Variants in GDPD1 observed in about 807,000 individuals in gnomAD.
GDPD1 encodes glycerophosphodiester phosphodiesterase domain containing 1, also known as lysophospholipase D GDPD1.
GDPD1 carries 28 observed loss-of-function variants against 45.1 expected under a neutral mutation model. The observed-to-expected ratio is 0.62, with a 90% CI of 0.46 to 0.85. The LOEUF (loss-of-function observed/expected upper bound fraction) is 0.85. GDPD1 is among the 40% of genes least tolerant of loss of function. The probability of loss-of-function intolerance (pLI) is 0.00; values close to 1 mark genes in which losing one functional copy is unlikely to be tolerated. For missense variants in GDPD1, 256 were observed against 364.8 expected, an observed-to-expected ratio of 0.70 and a Z score of 2.43; for synonymous variants, 139 against 131.4, an observed-to-expected ratio of 1.06 and a Z score of -0.40.
At chr17:59,221,624 A>G (rs113757882) in intron 1 of GDPD1, among the ~76,000 whole-genome samples, 1 of 152,192 alleles carries the variant, frequency 6.6e-6, no homozygotes, top group African/African-American at 2.4e-5. Context: ...CTAATTTCCC[A>G]GATAACAGGC....
At chr17:59,248,901 A>G (rs1259619916) in intron 4 of GDPD1, 116 bp downstream of exon 4, 12 of 670,546 alleles carry the variant, frequency 1.8e-5, no homozygotes, top group Non-Finnish European at 2.9e-5. Flanking sequence ...CCTCAGGCCT[A>G]CAAATCTGAA....
chr17:59,243,774 TAA>T (rs1394263710), intron 2 of GDPD1, among the ~76,000 whole-genome samples: 8 of 152,352 alleles, frequency 5.3e-5, no homozygotes, highest in Admixed American at 4.6e-4. Context: ...TCATGATTGA[TAA>T]ACACTTAGGT....
intron 6 of GDPD1, 107 bp downstream of exon 6, chr17:59,257,947 G>A: frequency 4.7e-6 from 3 of 643,872 alleles, no homozygotes; most frequent in Non-Finnish European, 7.2e-6. Flanking sequence ...TATTTTTAGA[G>A]ATAGGGTCTC....
intron 4 of GDPD1, among the ~76,000 whole-genome samples, chr17:59,251,316 C>T (rs533238272): frequency 1.8e-4 from 27 of 151,856 alleles, no homozygotes; most frequent in Middle Eastern, 3.4e-3. Context: ...GTTAGGAGTT[C>T]GAGACCAGCC....
chr17:59,267,108 G>T lies in GDPD1; in HGVS notation c.644G>T (p.Gly215Val). Residue 215 changes from glycine to valine, a missense_variant, in exon 7 of 10, where the codon GGC becomes GTC. Physicochemically the swap from Gly to Val is moderately radical, Grantham distance 109. Coordinates refer to ENST00000284116, the MANE Select transcript of GDPD1 (RefSeq NM_182569.4). ...VLLILGLFFT[G>V]LLPFVPIREQ... ...CTCATTCTTGGCCTTTTCTTCACTG[G>T]CCTCTTGCCCTTTGTGCCCATTCGA... is the stretch of plus-strand genomic sequence containing the variant. 1 of 1,613,604 alleles carries T rather than the reference G, an allele frequency of 6.2e-7. No individual in the cohort carries two copies. Among genetic ancestry groups the T allele is most frequent in the Non-Finnish European group, 8.5e-7 (1 of 1,179,644 alleles).
At chr17:59,267,863 C>T (rs2047410760) in intron 7 of GDPD1, among the ~76,000 whole-genome samples, 1 of 151,918 alleles carries the variant, frequency 6.6e-6, no homozygotes, top group East Asian at 2.0e-4. Context: ...AGAGATGGGG[C>T]TTCACCATGT....
intron 8 of GDPD1, among the ~76,000 whole-genome samples, chr17:59,271,290 A>C (rs1174710822): frequency 5.3e-5 from 8 of 152,218 alleles, no homozygotes; most frequent in African/African-American, 1.7e-4. Flanking sequence ...GAACTAGGTT[A>C]AATAACCATT....
intron 1 of GDPD1, among the ~76,000 whole-genome samples, chr17:59,226,763 C>G (rs1338376906): frequency 6.6e-6 from 1 of 151,952 alleles, no homozygotes; most frequent in Non-Finnish European, 1.5e-5. Context: ...GCAACTTCCG[C>G]CCCCTGGGTT....
chr17:59,241,947 G>A (rs549898628), intron 2 of GDPD1, among the ~76,000 whole-genome samples: 1 of 152,142 alleles, frequency 6.6e-6, no homozygotes, highest in South Asian at 2.1e-4. Flanking sequence ...AAAATAAAAG[G>A]ATGCTCAGTG....
intron 3 of GDPD1, among the ~76,000 whole-genome samples, chr17:59,247,271 A>G (rs2047219567): frequency 6.6e-6 from 1 of 151,930 alleles, no homozygotes; most frequent in Admixed American, 6.6e-5. Context: ...ATTAGGGTTC[A>G]CTCTTGTACA....
chr17:59,227,132 T>G (rs972528778), intron 1 of GDPD1, among the ~76,000 whole-genome samples: 4 of 152,058 alleles, frequency 2.6e-5, no homozygotes, highest in African/African-American at 9.7e-5. Context: ...GTTTTAGTTT[T>G]AAAACATTTT....
intron 6 of GDPD1, among the ~76,000 whole-genome samples, chr17:59,266,026 T>C (rs1192727279): frequency 6.7e-6 from 1 of 149,716 alleles, no homozygotes; most frequent in Non-Finnish European, 1.5e-5. Context: ...TTAAAAATGA[T>C]TGACATTCAA....
chr17:59,224,484 G>T (rs2047030141), intron 1 of GDPD1, among the ~76,000 whole-genome samples: 1 of 151,976 alleles, frequency 6.6e-6, no homozygotes, highest in African/African-American at 2.4e-5. Flanking sequence ...AGTTAGCTGA[G>T]CGTGGTGGCG....
intron 6 of GDPD1, among the ~76,000 whole-genome samples, chr17:59,260,056 G>T (rs2147898646): frequency 2.0e-5 from 1 of 49,624 alleles, no homozygotes; most frequent in Non-Finnish European, 3.6e-5. Flanking sequence ...GCCAGACCCT[G>T]TCTCAAAAAA....
chr17:59,259,381 C>T lies in GDPD1; in HGVS notation c.576+1541C>T, dbSNP rs1398875034. 2.6e-5 allele frequency among the ~76,000 whole-genome samples: 4 copies of T among 151,678 alleles called. No individual in the cohort carries two copies. The South Asian group carries it at 8.3e-4, about 32-fold the overall frequency. On this transcript the variant is annotated intron_variant, in intron 6 of 9. Transcript: ENST00000284116. ...GGGAGATTGAGACCATCCTGGCTAA[C>T]GCGGTGAAACCCCGTCTGTACTAAA...
intron 6 of GDPD1, among the ~76,000 whole-genome samples, chr17:59,259,166 GC>G (rs2047332544): frequency 6.8e-6 from 1 of 147,446 alleles, no homozygotes; most frequent in African/African-American, 2.5e-5. Flanking sequence ...ACAGTGGCTC[GC>G]CCCTGTAATC....
At chr17:59,232,381 C>T (rs1164009986) in intron 1 of GDPD1, among the ~76,000 whole-genome samples, 1 of 149,740 alleles carries the variant, frequency 6.7e-6, no homozygotes, top group African/African-American at 2.5e-5. Flanking sequence ...ACCTGGGAGG[C>T]GGAGGTTACG....
intron 6 of GDPD1, among the ~76,000 whole-genome samples, chr17:59,259,870 A>C (rs2147898440): frequency 6.6e-6 from 1 of 150,758 alleles, no homozygotes; most frequent in South Asian, 2.1e-4. Context: ...AGACCAGCCT[A>C]GGGAACATGA....
chr17:59,248,320 A>G (rs2047227858), intron 3 of GDPD1, among the ~76,000 whole-genome samples: 1 of 151,862 alleles, frequency 6.6e-6, no homozygotes, highest in Admixed American at 6.6e-5. Context: ...AAAATAAAAT[A>G]AAATAAAATA....
Sources: allele counts gnomAD v4.1 joint callset (sites outside exome capture counted in the v4.1 genomes callset), GRCh38; gene constraint gnomAD v4.1.1; transcripts MANE v1.5; gene names NCBI Gene and HGNC (gene_info 2026-07-23, HGNC 2026-07-21).